The following LYRM4 variants were observed in gnomAD, a reference collection of about 807,000 sequenced individuals.
LYRM4 encodes the protein LYR motif containing 4.
A neutral mutation model predicts 11.7 loss-of-function variants in LYRM4; 9 were observed. The ratio of observed to expected loss-of-function variants is 0.77; its 90% CI spans 0.46 to 1.34. LYRM4 has a LOEUF of 1.34. LYRM4 is among the 40% of genes most tolerant of loss of function. LYRM4 has a pLI of 0.00. For missense variants in LYRM4, 133 were observed against 112.5 expected (o/e 1.18, Z -0.82); for synonymous variants, 42 against 40.4 (o/e 1.04, Z -0.15).
chr6:5,130,469 G>A (rs757878929), intron 2 of LYRM4, among the ~76,000 whole-genome samples: 54 of 152,218 alleles, frequency 3.5e-4, no homozygotes, highest in Non-Finnish European at 6.9e-4. Context: ...CCGGAGCAGG[G>A]AGCCACTCAC....
downstream of LYRM4, among the ~76,000 whole-genome samples, chr6:5,100,543 A>T (rs1477536094): frequency 6.6e-6 from 1 of 151,234 alleles, no homozygotes; most frequent in Admixed American, 6.6e-5. Flanking sequence ...CTACTTGGGG[A>T]CAGGTGTCAT....
the LYRM4 span, among the ~76,000 whole-genome samples, chr6:5,073,623 A>T: frequency 6.7e-6 from 1 of 150,052 alleles, no homozygotes; most frequent in Admixed American, 6.7e-5. Context: ...AATCCTATAC[A>T]TATAGTATAG....
downstream of LYRM4, chr6:5,107,236 T>C (rs1012282601): frequency 6.6e-6 from 1 of 152,268 alleles, no homozygotes; most frequent in Non-Finnish European, 1.5e-5. Flanking sequence ...AGCAACCTGC[T>C]GTTACAGCCT....
At chr6:5,228,130 T>A (rs1338682014) in intron 1 of LYRM4, among the ~76,000 whole-genome samples, 1 of 150,530 alleles carries the variant, frequency 6.6e-6, no homozygotes, top group East Asian at 1.9e-4. Flanking sequence ...ATCCCAGAAC[T>A]TAAAGTAAAA....
At chr6:5,249,209 T>A (rs755502604) in intron 1 of LYRM4, among the ~76,000 whole-genome samples, 1 of 152,200 alleles carries the variant, frequency 6.6e-6, no homozygotes, top group African/African-American at 2.4e-5. Flanking sequence ...AGTCTCAATT[T>A]ACAGATGACA....
chr6:5,192,452 G>A (rs1340262111), intron 2 of LYRM4, among the ~76,000 whole-genome samples: 1 of 152,214 alleles, frequency 6.6e-6, no homozygotes. Flanking sequence ...AAAGAGACAT[G>A]TAGTAAGGCT....
intron 2 of LYRM4, among the ~76,000 whole-genome samples, chr6:5,185,521 T>G (rs1466007232): frequency 6.6e-6 from 1 of 152,036 alleles, no homozygotes; most frequent in African/African-American, 2.4e-5. Flanking sequence ...CTGCATCAAG[T>G]GCACAGTGTA....
intron 2 of LYRM4, among the ~76,000 whole-genome samples, chr6:5,123,462 C>G (rs1414398704): frequency 6.6e-6 from 1 of 152,198 alleles, no homozygotes. Context: ...ATCGCAGGAT[C>G]TAGGAGACAT....
chr6:5,043,667 C>A, the LYRM4 span, among the ~76,000 whole-genome samples: 1 of 152,140 alleles, frequency 6.6e-6, no homozygotes, highest in African/African-American at 2.4e-5. Context: ...CCTCCCTTGT[C>A]GCCTCCTCTG....
At chr6:5,224,696 C>T (rs1419981717) in intron 1 of LYRM4, among the ~76,000 whole-genome samples, 1 of 152,200 alleles carries the variant, frequency 6.6e-6, no homozygotes, top group African/African-American at 2.4e-5. Context: ...ACGGTAGCTC[C>T]TGCCTATAAT....
At chr6:5,117,885 G>GC (rs576750085) in intron 2 of LYRM4, among the ~76,000 whole-genome samples, 1 of 150,448 alleles carries the variant, frequency 6.6e-6, no homozygotes, top group Admixed American at 6.6e-5. Context: ...TCTCTTAACA[G>GC]TTTTTTTTTC....
chr6:5,112,859 C>T (rs765539447), intron 2 of LYRM4, among the ~76,000 whole-genome samples: 9 of 152,136 alleles, frequency 5.9e-5, no homozygotes, highest in East Asian at 1.9e-4. Context: ...CACGATTGGA[C>T]GTGGAGACTG....
chr6:5,205,123 A>G (rs536314488), intron 2 of LYRM4, among the ~76,000 whole-genome samples: 2 of 152,370 alleles, frequency 1.3e-5, no homozygotes, highest in Non-Finnish European at 1.5e-5. Flanking sequence ...GGACAGGATG[A>G]CTTATTAAAA....
At chr6:5,173,307 G>A (rs564450050) in intron 2 of LYRM4, among the ~76,000 whole-genome samples, 8 of 152,342 alleles carry the variant, frequency 5.3e-5, no homozygotes, top group South Asian at 4.1e-4. Context: ...TATACATGGA[G>A]CTATGCTCTG....
At chr6:5,172,611 T>G (rs1002004425) in intron 2 of LYRM4, among the ~76,000 whole-genome samples, 4 of 152,122 alleles carry the variant, frequency 2.6e-5, no homozygotes, top group African/African-American at 7.2e-5. Context: ...ACCACACAAA[T>G]GACTGCACCT....
chr6:5,086,184 G>A, the LYRM4 span: 1 of 1,533,332 alleles, frequency 6.5e-7, no homozygotes, highest in African/African-American at 1.4e-5. Flanking sequence ...GCGCTGAGGT[G>A]AAGGGCTCCG....
intron 2 of LYRM4, chr6:5,113,100 T>G: frequency 4.6e-6 from 1 of 217,632 alleles, no homozygotes; most frequent in Non-Finnish European, 9.5e-6. Context: ...GAAGAAGAGG[T>G]GGAGAGTTGT....
the LYRM4 span, among the ~76,000 whole-genome samples, chr6:5,064,684 G>C: frequency 6.6e-6 from 1 of 152,196 alleles, no homozygotes; most frequent in East Asian, 1.9e-4. Flanking sequence ...GGACTACAAG[G>C]GCGAACCATT....
the LYRM4 span, among the ~76,000 whole-genome samples, chr6:5,093,820 C>T: frequency 1.3e-5 from 2 of 152,280 alleles, no homozygotes; most frequent in African/African-American, 4.8e-5. Context: ...AGTAATAGTC[C>T]ATCGACCACC....
Sources: allele counts gnomAD v4.1 joint callset (sites outside exome capture counted in the v4.1 genomes callset), GRCh38; gene constraint gnomAD v4.1.1; transcripts MANE v1.5; gene names NCBI Gene and HGNC (gene_info 2026-07-23, HGNC 2026-07-21).